The following LRRC37A2 variants were observed in gnomAD, a reference collection of about 807,000 sequenced individuals.
The protein encoded by LRRC37A2 is leucine rich repeat containing 37 member A2.
LRRC37A2 carries 9 observed loss-of-function variants against 68.8 expected under a neutral mutation model. The ratio of observed to expected loss-of-function variants is 0.13; its 90% CI spans 0.08 to 0.23. The LOEUF (loss-of-function observed/expected upper bound fraction) is 0.23, where lower values mean the gene tolerates loss of function less well. Ranked by LOEUF, LRRC37A2 falls within the 10% of genes least tolerant of loss-of-function variation. LRRC37A2 has a pLI of 1.00. For missense variants in LRRC37A2, 168 were observed against 950.4 expected, an observed-to-expected ratio of 0.18 and a Z score of 10.82; for synonymous variants, 63 against 367.6, an observed-to-expected ratio of 0.17 and a Z score of 9.48.
At chr17:46,767,994 G>A in the LRRC37A2 span, among the ~76,000 whole-genome samples, 1 of 152,064 alleles carries the variant, frequency 6.6e-6, no homozygotes, top group East Asian at 1.9e-4. Flanking sequence ...CACCATGTTG[G>A]CCAGGCCGGT....
chr17:46,870,246 G>C, the LRRC37A2 span, among the ~76,000 whole-genome samples: 1 of 152,078 alleles, frequency 6.6e-6, no homozygotes, highest in Non-Finnish European at 1.5e-5. Flanking sequence ...ACCAGCCCTC[G>C]GTGTGAGAAG....
the LRRC37A2 span, among the ~76,000 whole-genome samples, chr17:46,849,795 G>T: frequency 6.6e-6 from 1 of 151,848 alleles, no homozygotes; most frequent in East Asian, 1.9e-4. Flanking sequence ...AGTCCTGCCT[G>T]CAGGTATAAC....
the LRRC37A2 span, among the ~76,000 whole-genome samples, chr17:46,968,476 A>G: frequency 6.6e-6 from 1 of 152,180 alleles, no homozygotes; most frequent in Non-Finnish European, 1.5e-5. Flanking sequence ...AGAGACCATC[A>G]CCATCATAAC....
the LRRC37A2 span, chr17:46,851,665 G>T: frequency 7.7e-7 from 1 of 1,302,216 alleles, no homozygotes; most frequent in South Asian, 2.3e-5. The surrounding 1 kb of genome is among the most constrained non-coding windows in gnomAD (Gnocchi z 4.3). Flanking sequence ...CGCTGGCCCT[G>T]GCCGGGCTCT....
the LRRC37A2 span, among the ~76,000 whole-genome samples, chr17:46,761,110 G>A: frequency 6.6e-6 from 1 of 152,214 alleles, no homozygotes; most frequent in South Asian, 2.1e-4. Context: ...AAGATGTAGA[G>A]GAGATCTGTA....
At chr17:46,711,192 C>G in the LRRC37A2 span, 1 of 1,338,672 alleles carries the variant, frequency 7.5e-7, no homozygotes, top group African/African-American at 1.5e-5. Flanking sequence ...CCCGTAAGCA[C>G]ATTCTAGAAA....
chr17:46,806,368 C>A, the LRRC37A2 span, among the ~76,000 whole-genome samples: 6 of 152,054 alleles, frequency 3.9e-5, no homozygotes, highest in Non-Finnish European at 7.4e-5. Flanking sequence ...TGCCACCACG[C>A]CCGGCTAATT....
At chr17:46,708,205 A>G in the LRRC37A2 span, among the ~76,000 whole-genome samples, 1 of 152,056 alleles carries the variant, frequency 6.6e-6, no homozygotes, top group Non-Finnish European at 1.5e-5. Context: ...TCGGGTATAT[A>G]CTCAGAAGTG....
At chr17:46,898,786 A>G in the LRRC37A2 span, among the ~76,000 whole-genome samples, 2 of 152,194 alleles carry the variant, frequency 1.3e-5, no homozygotes, top group Non-Finnish European at 1.5e-5. Context: ...CCTCCCTCAT[A>G]CATTGAAACA....
the LRRC37A2 span, among the ~76,000 whole-genome samples, chr17:46,921,778 A>G: frequency 6.6e-6 from 1 of 152,208 alleles, no homozygotes; most frequent in East Asian, 1.9e-4. Context: ...CAAAACCACA[A>G]TGAGATACCA....
the LRRC37A2 span, among the ~76,000 whole-genome samples, chr17:46,747,418 C>T: frequency 0.11 from 16,082 of 151,900 alleles, 1,936 homozygotes; most frequent in East Asian, 0.6. Flanking sequence ...GTACCTGGGA[C>T]GACAGGCATT....
At chr17:46,794,816 T>C in the LRRC37A2 span, among the ~76,000 whole-genome samples, 6 of 151,512 alleles carry the variant, frequency 4.0e-5, no homozygotes, top group Non-Finnish European at 8.8e-5. Flanking sequence ...AGAGGTACGA[T>C]TCCAGCTCAC....
At chr17:46,575,124 T>A in the LRRC37A2 span, among the ~76,000 whole-genome samples, 1 of 103,826 alleles carries the variant, frequency 9.6e-6, no homozygotes, top group African/African-American at 3.1e-5. Context: ...AAGTTGATCA[T>A]TTGAGTCCTG....
At chr17:46,775,139 C>T in the LRRC37A2 span, among the ~76,000 whole-genome samples, 1 of 152,242 alleles carries the variant, frequency 6.6e-6, no homozygotes, top group Admixed American at 6.5e-5. Flanking sequence ...CCGAGCCAAA[C>T]ATCTGCCATT....
At chr17:46,935,826 A>G in the LRRC37A2 span, 1 of 986,178 alleles carries the variant, frequency 1.0e-6, no homozygotes, top group Non-Finnish European at 1.2e-6. Flanking sequence ...GATGTCAGTC[A>G]TGATGTTTCA....
At chr17:46,937,915 T>G in the LRRC37A2 span, 2 of 153,152 alleles carry the variant, frequency 1.3e-5, no homozygotes, top group African/African-American at 4.8e-5. Flanking sequence ...CCACCCAGGC[T>G]GGAGTGCAGT....
chr17:46,939,490 T>C, the LRRC37A2 span: 1 of 986,440 alleles, frequency 1.0e-6, no homozygotes, highest in South Asian at 4.7e-5. Context: ...AATAGAGTGG[T>C]TGGCTTTTAA....
chr17:46,826,103 G>A, the LRRC37A2 span, among the ~76,000 whole-genome samples: 1 of 152,230 alleles, frequency 6.6e-6, no homozygotes, highest in Non-Finnish European at 1.5e-5. Context: ...GACTTTTGTG[G>A]GGGCACATTA....
At chr17:46,703,794 A>C in the LRRC37A2 span, among the ~76,000 whole-genome samples, 1 of 147,624 alleles carries the variant, frequency 6.8e-6, no homozygotes, top group African/African-American at 2.5e-5. Flanking sequence ...TTGTGCAACC[A>C]TCACTACCAT....
Sources: allele counts gnomAD v4.1 joint callset (sites outside exome capture counted in the v4.1 genomes callset), GRCh38; gene constraint gnomAD v4.1.1; non-coding constraint Gnocchi (gnomAD v3.1); transcripts MANE v1.5; gene names NCBI Gene and HGNC (gene_info 2026-07-23, HGNC 2026-07-21).